Variants in TBC1D21 observed in about 807,000 individuals in gnomAD.
The protein encoded by TBC1D21 is TBC1 domain family member 21.
Under a neutral mutation model 46.0 loss-of-function variants are expected in TBC1D21, and 38 were observed. The observed-to-expected ratio is 0.83, with a 90% CI of 0.64 to 1.08. The LOEUF (loss-of-function observed/expected upper bound fraction) is 1.08, where lower values mean the gene tolerates loss of function less well. TBC1D21 is among the 50% of genes least tolerant of loss of function. The pLI, the probability that TBC1D21 is intolerant of heterozygous loss-of-function variation, is 0.00. For synonymous variants in TBC1D21, 151 were observed against 157.2 expected, an observed-to-expected ratio of 0.96 and a Z score of 0.29; for missense variants, 415 against 417.9, an observed-to-expected ratio of 0.99 and a Z score of 0.06.
At chr15:73,875,578 T>G (rs1248708560) in intron 1 of TBC1D21, among the ~76,000 whole-genome samples, 1 of 152,232 alleles carries the variant, frequency 6.6e-6, no homozygotes, top group African/African-American at 2.4e-5. Context: ...TTAGAGGGAC[T>G]GAGCCACTTA....
At chr15:73,878,199 AT>A (rs555825026) in intron 1 of TBC1D21, among the ~76,000 whole-genome samples, 53 of 152,338 alleles carry the variant, frequency 3.5e-4, no homozygotes, top group Admixed American at 1.2e-3. Flanking sequence ...TCACAATAGA[AT>A]TTTTGGCTTT....
the TBC1D21 span, among the ~76,000 whole-genome samples, chr15:73,896,496 G>C: frequency 6.6e-6 from 1 of 151,958 alleles, no homozygotes; most frequent in Non-Finnish European, 1.5e-5. Context: ...ACGGAGCAGT[G>C]GCGGAGAAGA....
intron 8 of TBC1D21, among the ~76,000 whole-genome samples, chr15:73,886,823 G>C (rs938275168): frequency 6.6e-6 from 1 of 152,212 alleles, no homozygotes. Flanking sequence ...AGGCCCCACT[G>C]ACTGTGCCTT....
At chr15:73,879,164 A>G (rs2068111413) in intron 1 of TBC1D21, among the ~76,000 whole-genome samples, 8 of 152,230 alleles carry the variant, frequency 5.3e-5, no homozygotes, top group Admixed American at 5.2e-4. Flanking sequence ...TGGAGCCTGT[A>G]GGCTCTTATT....
rs1365722834 is a variant in TBC1D21, at chr15:73,887,719, G to T, written c.877G>T (p.Gly293Trp). Residue 293 changes from glycine to tryptophan, a missense_variant, in exon 9 of 11, where the codon GGG (glycine) becomes TGG (tryptophan). Gly to Trp is a radical substitution (Grantham distance 184). Coordinates refer to ENST00000300504, the MANE Select transcript of TBC1D21 (RefSeq NM_153356.3). The stretch of plus-strand genomic sequence containing the variant: ...GCAGGTGCTGCAGGAAAGCATGGGC[G>T]GGGATGACATCCTCCTGGTGAGAGC... ...REQVLQESMG[G>W]DDILLACNNL... 1 of 1,613,574 alleles carries T rather than the reference G, an allele frequency of 6.2e-7. No homozygotes were observed. Among genetic ancestry groups the T allele is most frequent in the Non-Finnish European group, 8.5e-7 (1 of 1,179,774 alleles).
intron 1 of TBC1D21, among the ~76,000 whole-genome samples, chr15:73,874,914 G>A (rs1024174761): frequency 2.0e-5 from 3 of 152,144 alleles, no homozygotes; most frequent in Admixed American, 1.3e-4. Flanking sequence ...CCCTTGTTAC[G>A]GTTGGGAGTC....
In TBC1D21 at chr15:73,887,734, C is replaced by A. The variant is rs573396071; in HGVS notation, c.892C>A (p.Leu298Met). The A allele has an allele frequency of 3.1e-6, 5 of 1,612,792 alleles. No homozygotes were observed. The highest frequency in any genetic ancestry group is 4.2e-6 in the Non-Finnish European group (5 of 1,179,334). The change falls in exon 9 of 11, where the codon CTG (leucine) becomes ATG (methionine). Residue 298 changes from leucine (L) to methionine (M), a missense_variant and splice_region_variant. Leu to Met is a conservative substitution (Grantham distance 15). Transcript: ENST00000300504. ...QESMGGDDILLACNNLIDLDA... is the reference protein window; with the variant it reads ...QESMGGDDILMACNNLIDLDA... Reference sequence around the variant, plus strand: ...AAGCATGGGCGGGGATGACATCCTCCTGGTGAGAGCACCCTCGGGCAAGCT... The same window carrying A: ...AAGCATGGGCGGGGATGACATCCTCATGGTGAGAGCACCCTCGGGCAAGCT...
chr15:73,888,990 G>A, intron 10 of TBC1D21, 79 bp from the exon 11 acceptor site: 1 of 1,561,660 alleles, frequency 6.4e-7, no homozygotes, highest in South Asian at 1.2e-5. Flanking sequence ...AGGCTCAGGA[G>A]AATGTCGCTG....
chr15:73,876,199 GTTTTTTTTTTTTTTTTTTTTTT>G lies in TBC1D21; in HGVS notation c.60+2455_60+2476del, dbSNP rs539517539. On this transcript the variant is annotated intron_variant, in intron 1 of 10. Transcript: ENST00000300504. ...GAAGAATCAGTGACTTTTTTTGTGG[GTTTTTTTTTTTTTTTTTTTTTT>G]TTTTTTTTTTTTTTTTTTTTTTTTG... Among the ~76,000 whole-genome samples, 22 of 28,324 alleles carry G rather than the reference GTTTTTTTTTTTTTTTTTTTTTT, an allele frequency of 7.8e-4. 2 individuals carry two copies. Among genetic ancestry groups the G allele is most frequent in the South Asian group, 3.1e-3 (3 of 960 alleles). 18.6% of individuals were successfully genotyped at this position (28,324 alleles called of 152,430 possible).
rs1567062377 is a variant in TBC1D21 at position 73,876,224 on chromosome 15, T to TTGTTTG, written c.60+2456_60+2457insGTTTGT. 3.6e-3 allele frequency among the ~76,000 whole-genome samples: 216 copies of TTGTTTG among 60,600 alleles called. 13 individuals carry two copies. Among genetic ancestry groups the TTGTTTG allele is most frequent in the African/African-American group, 0.016 (205 of 12,920 alleles). The allele number at this position is 60,600 out of a possible 152,430, so 39.8% of individuals were successfully genotyped here. ...GTTTTTTTTTTTTTTTTTTTTTTTT[T>TTGTTTG]TTTTTTTTTTTTTTTTTTTTTGAGA... On this transcript the variant is annotated intron_variant, in intron 1 of 10. Transcript: ENST00000300504.
chr15:73,904,275 T>G, the TBC1D21 span, among the ~76,000 whole-genome samples: 2 of 152,158 alleles, frequency 1.3e-5, no homozygotes, highest in Admixed American at 1.3e-4. Context: ...AAGGCTACAG[T>G]GGGCTGCTCT....
intron 6 of TBC1D21, 128 bp from the exon 7 acceptor site, chr15:73,885,950 G>C: frequency 1.4e-6 from 1 of 696,812 alleles, no homozygotes; most frequent in Non-Finnish European, 2.5e-6. Flanking sequence ...CAGACTCATA[G>C]AGACATGGGC....
At chr15:73,896,844 C>G in the TBC1D21 span, among the ~76,000 whole-genome samples, 21 of 152,230 alleles carry the variant, frequency 1.4e-4, no homozygotes, top group Non-Finnish European at 2.9e-5. Context: ...CTCAGTTTCC[C>G]CCTCTGAAAT....
the TBC1D21 span, among the ~76,000 whole-genome samples, chr15:73,902,467 C>A: frequency 6.6e-6 from 1 of 152,264 alleles, no homozygotes; most frequent in South Asian, 2.1e-4. Flanking sequence ...AATACCTGTC[C>A]CCTCTTTTCT....
At chr15:73,881,311 T>C in intron 1 of TBC1D21, 88 bp from the exon 2 acceptor site, 7 of 954,440 alleles carry the variant, frequency 7.3e-6, no homozygotes, top group Non-Finnish European at 8.1e-6. Flanking sequence ...TTGATACATA[T>C]TGCAAAGTCC....
the TBC1D21 span, among the ~76,000 whole-genome samples, chr15:73,905,339 G>C: frequency 0.22 from 33,615 of 152,160 alleles, 4,567 homozygotes; most frequent in East Asian, 0.68. Context: ...TAAATGATCT[G>C]ATTGTTTCTG....
chr15:73,898,880 A>AAAATATATATATATAT, the TBC1D21 span, among the ~76,000 whole-genome samples: 2 of 56,804 alleles, frequency 3.5e-5, no homozygotes, highest in African/African-American at 1.1e-4. Flanking sequence ...AAAAAAAAAA[A>AAAATATATATATATAT]ATATATATAT....
the TBC1D21 span, among the ~76,000 whole-genome samples, chr15:73,900,451 AGGCACCAG>A: frequency 6.6e-6 from 1 of 152,324 alleles, no homozygotes; most frequent in South Asian, 2.1e-4. Flanking sequence ...GAAAACCACA[AGGCACCAG>A]AGAAGAGACC....
Position 73,877,547 on chromosome 15 carries a change from A to T in TBC1D21, c.60+3778A>T, listed in dbSNP as rs66540389. 1.9e-4 allele frequency among the ~76,000 whole-genome samples: 15 copies of T among 80,102 alleles called. 4 individuals carry two copies. The highest frequency in any genetic ancestry group is 1.5e-3 in the South Asian group (3 of 1,998). 52.6% of individuals were successfully genotyped at this position (80,102 alleles called of 152,430 possible). ...AAAAAAAAAAAAAAAAAAAAAAAAA[A>T]AAAGAAATCCCTACTCATTTTATGA... On this transcript the variant is annotated intron_variant, in intron 1 of 10. Coordinates refer to ENST00000300504, the MANE Select transcript of TBC1D21 (RefSeq NM_153356.3).
Sources: allele counts gnomAD v4.1 joint callset (sites outside exome capture counted in the v4.1 genomes callset), GRCh38; gene constraint gnomAD v4.1.1; transcripts MANE v1.5; gene names NCBI Gene and HGNC (gene_info 2026-07-23, HGNC 2026-07-21).